CENPN: variants seen among roughly 807,000 people sequenced by gnomAD.
CENPN encodes interphase centromere complex protein 32.
CENPN carries 36 observed loss-of-function variants against 48.6 expected under a neutral mutation model. That is an observed-to-expected ratio of 0.74 (90% CI 0.57 to 0.98). CENPN has a LOEUF of 0.98. CENPN is among the 50% of genes least tolerant of loss of function. The probability of loss-of-function intolerance (pLI) is 0.00; values close to 1 mark genes in which losing one functional copy is unlikely to be tolerated. For synonymous variants in CENPN, 166 were observed against 135.2 expected (o/e 1.23, Z -1.58); for missense variants, 439 against 399.2 (o/e 1.10, Z -0.85).
At chr16:81,017,902 C>A (rs550797037) in intron 5 of CENPN, 68 bp downstream of exon 5, 3 of 904,476 alleles carry the variant, frequency 3.3e-6, no homozygotes, top group Non-Finnish European at 5.1e-6. Flanking sequence ...AAATTTGCTA[C>A]TATCATAGTT....
rs755904650 is a variant in CENPN at position 81,028,953 on chromosome 16, G to A, written c.*302G>A. On this transcript the variant is annotated 3_prime_UTR_variant, in exon 11 of 11. Transcript: ENST00000305850. Reference sequence around the variant, plus strand: ...TCTGAAATCAAGCATATGGCACAGCGCTCAAGACTTTTGGGTTTGTGTCCT... The same window carrying A: ...TCTGAAATCAAGCATATGGCACAGCACTCAAGACTTTTGGGTTTGTGTCCT... 9.0e-5 allele frequency: 94 copies of A among 1,046,080 alleles called. No homozygotes were observed. The highest frequency in any genetic ancestry group is 2.7e-4 in the Admixed American group (5 of 18,388). 64.8% of individuals were successfully genotyped at this position (1,046,080 alleles called of 1,614,324 possible).
At position 81,014,168 on chromosome 16, in the gene CENPN, G is replaced by A. The variant is rs567483383; in HGVS notation, c.204G>A (p.Leu68=). The change falls in exon 3 of 11, where the codon CTG becomes CTA. Residue 68 remains leucine, a synonymous_variant. Transcript: ENST00000305850. ...EKRASISDAA[L]LDIIYMQFHQ... is the part of the protein sequence containing the mutation. Reference sequence around the variant, plus strand: ...GTGCAAGTATCAGTGATGCTGCCCTGTTAGACATCATTTGTAAGTGTCAGT... The same window carrying A: ...GTGCAAGTATCAGTGATGCTGCCCTATTAGACATCATTTGTAAGTGTCAGT... 1 of 1,613,256 alleles carries A rather than the reference G, an allele frequency of 6.2e-7. No homozygotes were observed. The highest frequency in any genetic ancestry group is 1.7e-5 in the Admixed American group (1 of 60,018).
chr16:81,020,378 C>A, intron 6 of CENPN, 102 bp downstream of exon 6: 1 of 1,186,998 alleles, frequency 8.4e-7, no homozygotes, highest in Non-Finnish European at 1.1e-6. Context: ...GAATACTAGG[C>A]CAGGTGCAGT....
intron 1 of CENPN, among the ~76,000 whole-genome samples, chr16:81,009,491 T>C (rs1162045189): frequency 6.6e-6 from 1 of 152,180 alleles, no homozygotes; most frequent in Non-Finnish European, 1.5e-5. Context: ...TAGACCATGG[T>C]GAAGGCTTTA....
In CENPN at chr16:81,020,183, G is replaced by T. The variant is rs773404080; in HGVS notation, c.438G>T (p.Gln146His). ...AWGTQYTKPN[Q>H]YKPTYVVYYS... ...GAACACAGTACACAAAGCCAAACCAGTACAAACCTACCTACGTGGTGTACT... is the reference window on the plus strand; with the variant it reads ...GAACACAGTACACAAAGCCAAACCATTACAAACCTACCTACGTGGTGTACT... Residue 146 changes from glutamine (Q) to histidine (H), a missense_variant, in exon 6 of 11, where the codon CAG becomes CAT. Coordinates refer to ENST00000305850, the MANE Select transcript of CENPN (RefSeq NM_001100624.3). The T allele has an allele frequency of 1.2e-6, 2 of 1,613,706 alleles. No individual in the cohort carries two copies. The highest frequency in any genetic ancestry group is 4.5e-5 in the East Asian group (2 of 44,860).
rs542324907 is a variant in CENPN at position 81,025,689 on chromosome 16, CTCT to C, written c.698-835_698-833del. On this transcript the variant is annotated intron_variant, in intron 8 of 10. Coordinates refer to ENST00000305850, the MANE Select transcript of CENPN (RefSeq NM_001100624.3). Reference sequence around the variant, plus strand: ...TGGGCAACATAGTGAGACCCTGTCTCTCTTTTTTTTTTTTTTTTTTTTTTTTTT... The same window carrying C: ...TGGGCAACATAGTGAGACCCTGTCTCTTTTTTTTTTTTTTTTTTTTTTTTT... Among the ~76,000 whole-genome samples the C allele has an allele frequency of 3.7e-5, 5 of 135,216 alleles. 1 individual carries two copies. Among genetic ancestry groups the C allele is most frequent in the African/African-American group, 1.5e-4 (5 of 33,982 alleles). The allele number at this position is 135,216 out of a possible 152,430, so 88.7% of individuals were successfully genotyped here.
chr16:81,017,634 G>T, intron 4 of CENPN, 124 bp from the exon 5 acceptor site: 2 of 760,720 alleles, frequency 2.6e-6, no homozygotes, highest in Non-Finnish European at 4.4e-6. Context: ...CACCATTTGT[G>T]TGATTTGATC....
chr16:81,029,271 G>A lies in CENPN; in HGVS notation c.*620G>A, dbSNP rs1970658033. On this transcript the variant is annotated 3_prime_UTR_variant, in exon 11 of 11. Coordinates refer to ENST00000305850, the MANE Select transcript of CENPN (RefSeq NM_001100624.3). ...TTATCATGTGTATAACATTCAAACTGACAAATATATTGACTTATGAATAAA... is the reference window on the plus strand; with the variant it reads ...TTATCATGTGTATAACATTCAAACTAACAAATATATTGACTTATGAATAAA... The A allele has an allele frequency of 1.1e-6, 1 of 911,094 alleles. No individual in the cohort carries two copies. The highest frequency in any genetic ancestry group is 6.2e-5 in the Admixed American group (1 of 16,158). 56.4% of individuals were successfully genotyped at this position (911,094 alleles called of 1,614,324 possible).
intron 1 of CENPN, among the ~76,000 whole-genome samples, chr16:81,010,692 A>G (rs1969701638): frequency 6.6e-6 from 1 of 152,230 alleles, no homozygotes; most frequent in Non-Finnish European, 1.5e-5. Context: ...GAATTACAGA[A>G]TTCTTGAGCT....
intron 3 of CENPN, chr16:81,016,941 G>A (rs1213791058): frequency 4.2e-6 from 1 of 239,210 alleles, no homozygotes; most frequent in Non-Finnish European, 8.0e-6. Flanking sequence ...TGTGTAAGGA[G>A]CTAGGAGAAG....
At chr16:81,007,774 T>C (rs1235156051) in intron 1 of CENPN, among the ~76,000 whole-genome samples, 1 of 152,186 alleles carries the variant, frequency 6.6e-6, no homozygotes, top group Non-Finnish European at 1.5e-5. Flanking sequence ...GAGCATCTAC[T>C]GTATGTCAGA....
In CENPN at chr16:81,028,303, T is replaced by C; in HGVS notation, c.937+6T>C. On this transcript the variant is annotated splice_donor_region_variant and intron_variant, in intron 10 of 10. Coordinates refer to ENST00000305850, the MANE Select transcript of CENPN (RefSeq NM_001100624.3). ...GAAATCCTTAGCACCAGCGGGTGAGTGGTCAGCTTACTCTATAAGCTAGAA... is the reference window on the plus strand; with the variant it reads ...GAAATCCTTAGCACCAGCGGGTGAGCGGTCAGCTTACTCTATAAGCTAGAA... 6.2e-7 allele frequency: 1 copy of C among 1,613,916 alleles called. No individual in the cohort carries two copies. The highest frequency in any genetic ancestry group is 8.5e-7 in the Non-Finnish European group (1 of 1,179,930).
chr16:81,022,888 G>A, intron 7 of CENPN, 190 bp downstream of exon 7: 1 of 1,607,134 alleles, frequency 6.2e-7, no homozygotes, highest in Non-Finnish European at 8.5e-7. Flanking sequence ...TTTTATAATT[G>A]TATTGTGTTT....
downstream of CENPN, chr16:81,032,487 AG>A: frequency 7.2e-7 from 1 of 1,391,362 alleles, no homozygotes. Flanking sequence ...CCTCCCCACC[AG>A]GCACGTTAAT....
At chr16:81,007,935 C>A (rs1195714164) in intron 1 of CENPN, among the ~76,000 whole-genome samples, 2 of 151,954 alleles carry the variant, frequency 1.3e-5, no homozygotes, top group Admixed American at 1.3e-4. Flanking sequence ...GGTGAAACCC[C>A]GTCTCTACTA....
Position 81,026,601 on chromosome 16 carries a change from A to G in CENPN, c.773A>G (p.Asp258Gly), listed in dbSNP as rs762453770. ...VQRITQETFG[D>G]YPQPQLEFAQ... The stretch of plus-strand genomic sequence containing the variant: ...CGAATAACTCAAGAAACATTTGGAG[A>G]TTATCCTCAACCACAACTAGAATTT... The change falls in exon 9 of 11, where the codon GAT becomes GGT. Residue 258 changes from aspartate (D) to glycine (G), a missense_variant. Coordinates refer to ENST00000305850, the MANE Select transcript of CENPN (RefSeq NM_001100624.3). 2 of 1,602,800 alleles carry G rather than the reference A, an allele frequency of 1.2e-6. No individual in the cohort carries two copies. Among genetic ancestry groups the G allele is most frequent in the Admixed American group, 1.7e-5 (1 of 59,646 alleles).
At chr16:81,025,134 A>G (rs1343544227) in intron 8 of CENPN, among the ~76,000 whole-genome samples, 1 of 80,152 alleles carries the variant, frequency 1.2e-5, no homozygotes, top group Admixed American at 1.8e-4. Context: ...ACTGGGTTTC[A>G]GGGAGGTATG....
chr16:81,007,659 C>A (rs969014751), intron 1 of CENPN, among the ~76,000 whole-genome samples: 1 of 152,218 alleles, frequency 6.6e-6, no homozygotes, highest in Admixed American at 6.5e-5. Context: ...TCCCTGTACC[C>A]TCTTGCGTTG....
chr16:81,021,858 G>A lies in CENPN; in HGVS notation c.532-739G>A, dbSNP rs189936090. ...CACCCTCCACCCCCAAGGTTCAAGC[G>A]ATTCTCCTGCCTCAGCCTCCCAAGT... On this transcript the variant is annotated intron_variant, in intron 6 of 10. Transcript: ENST00000305850. Among the ~76,000 whole-genome samples, 13 of 151,912 alleles carry A rather than the reference G, an allele frequency of 8.6e-5. No homozygotes were observed. The East Asian group carries it at 2.5e-3, about 29-fold the overall frequency.
Sources: gnomAD v4.1 joint callset for allele counts (sites outside exome capture counted in the v4.1 genomes callset) on GRCh38, gnomAD v4.1.1 for gene constraint, MANE v1.5 for transcripts, NCBI Gene and HGNC (gene_info 2026-07-23, HGNC 2026-07-21) for gene names.